The following RGS3 variants were observed in gnomAD, a reference collection of about 807,000 sequenced individuals.
The protein encoded by RGS3 is regulator of G protein signaling 3.
Under a neutral mutation model 132.6 loss-of-function variants are expected in RGS3, and 80 were observed. That is an observed-to-expected ratio of 0.60 (90% CI 0.50 to 0.73). The LOEUF (loss-of-function observed/expected upper bound fraction) is 0.73, where lower values mean the gene tolerates loss of function less well. Ranked by LOEUF, RGS3 falls within the 30% of genes least tolerant of loss-of-function variation. RGS3 has a pLI of 0.00. For synonymous variants in RGS3, 598 were observed against 620.6 expected, an observed-to-expected ratio of 0.96 and a Z score of 0.54; for missense variants, 1,382 against 1,530.8, an observed-to-expected ratio of 0.90 and a Z score of 1.62.
intron 19 of RGS3, among the ~76,000 whole-genome samples, chr9:113,569,578 TTTCCTTCC>T (rs1226691424): frequency 0.056 from 5,006 of 88,844 alleles, 111 homozygotes; most frequent in Admixed American, 0.067. Flanking sequence ...TCTTTCCTTC[TTTCCTTCC>T]TTCCTTCCTT....
chr9:113,538,988 C>T (rs572089300), intron 19 of RGS3, among the ~76,000 whole-genome samples: 6 of 152,352 alleles, frequency 3.9e-5, no homozygotes, highest in African/African-American at 1.2e-4. Context: ...CCACCATGCA[C>T]ATGCAAAGAG....
intron 19 of RGS3, among the ~76,000 whole-genome samples, chr9:113,559,415 G>A (rs7024612): frequency 0.12 from 18,192 of 152,300 alleles, 1,311 homozygotes; most frequent in African/African-American, 0.19. Context: ...GTGACTGCAA[G>A]GCGTGCCCCA....
In RGS3 at chr9:113,468,718, G is replaced by A. The variant is rs143404077; in HGVS notation, c.415+6517G>A. ...GGGTCTCTGAACCAAATTTTAACTT[G>A]CTTGGGATCTCTAGTCACCTGGATA... is the stretch of plus-strand genomic sequence containing the variant. On this transcript the variant is annotated intron_variant, in intron 3 of 24. Transcript: ENST00000350696. Among the ~76,000 whole-genome samples, 5 of 152,256 alleles carry A rather than the reference G, an allele frequency of 3.3e-5. No homozygotes were observed. In the East Asian group the frequency reaches 5.8e-4, roughly 18 times the overall value.
chr9:113,555,259 T>C (rs1221394908), intron 19 of RGS3, among the ~76,000 whole-genome samples: 1 of 152,152 alleles, frequency 6.6e-6, no homozygotes, highest in East Asian at 1.9e-4. Context: ...TCCTTTGGAG[T>C]TATACACCCT....
intron 19 of RGS3, chr9:113,541,217 A>C (rs1317102312): frequency 8.1e-7 from 1 of 1,231,526 alleles, no homozygotes; most frequent in Non-Finnish European, 1.1e-6. Context: ...TGGAGATGCC[A>C]GGGTGTGTGA....
intron 3 of RGS3, among the ~76,000 whole-genome samples, chr9:113,477,166 A>G (rs1040585616): frequency 6.6e-5 from 10 of 152,138 alleles, no homozygotes; most frequent in African/African-American, 2.4e-4. Flanking sequence ...CTTTCATCCA[A>G]GGAGTCCTCC....
chr9:113,584,808 C>T (rs1467151571), intron 20 of RGS3, among the ~76,000 whole-genome samples: 7 of 152,244 alleles, frequency 4.6e-5, no homozygotes, highest in Non-Finnish European at 1.0e-4. Context: ...TGACAACACA[C>T]ATTTATTCCG....
exon 6 of RGS3, chr9:113,484,177 A>G (rs766136564): frequency 1.1e-5 from 17 of 1,613,254 alleles, no homozygotes; most frequent in Non-Finnish European, 1.4e-5. Context: ...ACGCCACCAG[A>G]AGACGCAGAC....
intron 10 of RGS3, among the ~76,000 whole-genome samples, chr9:113,504,046 G>A (rs550039994): frequency 6.6e-6 from 1 of 152,160 alleles, no homozygotes; most frequent in South Asian, 2.1e-4. Context: ...TTGAATCCAG[G>A]CCCGGGGCTG....
At chr9:113,578,872 C>G (rs1309377742) in intron 19 of RGS3, among the ~76,000 whole-genome samples, 2 of 152,184 alleles carry the variant, frequency 1.3e-5, no homozygotes, top group African/African-American at 4.8e-5. Context: ...CCCCTTAGGT[C>G]TCTGGCACAG....
chr9:113,466,972 A>AC, intron 3 of RGS3, among the ~76,000 whole-genome samples: 1 of 146,914 alleles, frequency 6.8e-6, no homozygotes, highest in East Asian at 2.0e-4. Context: ...ATGGAATCGT[A>AC]TTTTTTTTTT....
intron 3 of RGS3, among the ~76,000 whole-genome samples, chr9:113,478,490 G>A (rs989940172): frequency 6.6e-6 from 1 of 152,006 alleles, no homozygotes; most frequent in African/African-American, 2.4e-5. Context: ...CCTATGTATT[G>A]TTCTGAAATT....
intron 3 of RGS3, among the ~76,000 whole-genome samples, chr9:113,466,927 T>G (rs1829662074): frequency 6.6e-6 from 1 of 152,166 alleles, no homozygotes; most frequent in African/African-American, 2.4e-5. Flanking sequence ...ATTCTCTCCC[T>G]CTGTAGATTT....
chr9:113,445,713 C>G (rs1473456963), intron 1 of RGS3, among the ~76,000 whole-genome samples: 1 of 152,030 alleles, frequency 6.6e-6, no homozygotes, highest in African/African-American at 2.4e-5. Flanking sequence ...GACTCTCCCC[C>G]TGTTGCCCAG....
intron 19 of RGS3, among the ~76,000 whole-genome samples, chr9:113,548,565 G>A (rs1323956783): frequency 6.6e-6 from 1 of 152,218 alleles, no homozygotes; most frequent in African/African-American, 2.4e-5. Flanking sequence ...TCCTTCGGGA[G>A]CTGGGTGGGG....
intron 1 of RGS3, among the ~76,000 whole-genome samples, chr9:113,447,338 T>TATATATATATATATATATATATATAC (rs1829133171): frequency 2.4e-5 from 2 of 84,252 alleles, no homozygotes; most frequent in Non-Finnish European, 5.1e-5. Context: ...TGTATATATA[T>TATATATATATATATATATATATATAC]ATATATATAT....
intron 1 of RGS3, among the ~76,000 whole-genome samples, chr9:113,445,869 G>C (rs1443811874): frequency 2.6e-5 from 4 of 152,110 alleles, no homozygotes; most frequent in African/African-American, 9.7e-5. Flanking sequence ...AGTAGAGACA[G>C]GGTTTCTCCA....
In RGS3 at chr9:113,463,687, T is replaced by C. The variant is rs1045832371; in HGVS notation, c.415+1486T>C. 9 of 1,384,840 alleles carry C rather than the reference T, an allele frequency of 6.5e-6. No individual in the cohort carries two copies. The highest frequency in any genetic ancestry group is 2.6e-4 in the Middle Eastern group (1 of 3,886). 85.8% of individuals were successfully genotyped at this position (1,384,840 alleles called of 1,614,324 possible). A position where few individuals can be genotyped will look rare whatever the true frequency, so the allele number is the denominator to read the frequency against. ...GGGCGCGCCCTGGCCGTTCCAACGC[T>C]TGGGGCAGCCCTACCTCCCGCTCGC... On this transcript the variant is annotated intron_variant, in intron 3 of 24. Transcript: ENST00000350696. This position sits in a 1 kb window ranked among gnomAD's most constrained non-coding sequence, Gnocchi z 4.6.
intron 19 of RGS3, among the ~76,000 whole-genome samples, chr9:113,550,190 C>T (rs977170229): frequency 2.6e-5 from 4 of 152,144 alleles, no homozygotes; most frequent in Admixed American, 6.5e-5. Context: ...TGGTGAAACC[C>T]TGTCTCTACC....
Sources: allele counts gnomAD v4.1 joint callset (sites outside exome capture counted in the v4.1 genomes callset), GRCh38; gene constraint gnomAD v4.1.1; non-coding constraint Gnocchi (gnomAD v3.1); transcripts MANE v1.5; gene names NCBI Gene and HGNC (gene_info 2026-07-23, HGNC 2026-07-21).